Variants in SPON1 observed in about 807,000 individuals in gnomAD.
The protein encoded by SPON1 is spondin 1.
A neutral mutation model predicts 111.7 loss-of-function variants in SPON1; 52 were observed. The observed-to-expected ratio is 0.47, with a 90% CI of 0.37 to 0.59. SPON1 has a LOEUF of 0.59. Ranked by LOEUF, SPON1 falls within the 20% of genes least tolerant of loss-of-function variation. The pLI, the probability that SPON1 is intolerant of heterozygous loss-of-function variation, is 0.00. For synonymous variants in SPON1, 410 were observed against 395.8 expected (o/e 1.04, Z -0.43); for missense variants, 957 against 1,068.5 (o/e 0.90, Z 1.46).
At chr11:14,178,609 A>G (rs1554933374) in intron 6 of SPON1, among the ~76,000 whole-genome samples, 1 of 152,212 alleles carries the variant, frequency 6.6e-6, no homozygotes, top group East Asian at 1.9e-4. Context: ...TTCCAAGACT[A>G]AACCATCATA....
rs782768244 is a variant in SPON1 at position 14,260,608 on chromosome 11, T to C, written c.1852T>C (p.Ser618Pro). Residue 618 changes from serine (S) to proline (P), a missense_variant, in exon 14 of 16, where the codon TCC becomes CCC. Ser to Pro is a moderately conservative substitution (Grantham distance 74). Coordinates refer to ENST00000576479, the MANE Select transcript of SPON1 (RefSeq NM_006108.4). ...PECHTIPCLL[S>P]PWSEWSDCSV... The stretch of plus-strand genomic sequence containing the variant: ...TCTAGACACCATCCCATGCTTGCTG[T>C]CCCCATGGTCCGAGTGGAGTGACTG... 1 of 1,613,728 alleles carries C rather than the reference T, an allele frequency of 6.2e-7. No individual in the cohort carries two copies. Among genetic ancestry groups the C allele is most frequent in the South Asian group, 1.1e-5 (1 of 91,028 alleles).
intron 6 of SPON1, among the ~76,000 whole-genome samples, chr11:14,152,741 GC>G (rs1564916732): frequency 2.6e-5 from 4 of 152,168 alleles, no homozygotes; most frequent in African/African-American, 4.8e-5. Flanking sequence ...TCTTTAAAAT[GC>G]AATGACTTCC....
At chr11:14,254,455 C>T in intron 7 of SPON1, 73 bp from the exon 8 acceptor site, 1 of 1,310,892 alleles carries the variant, frequency 7.6e-7, no homozygotes. Context: ...CTTCATAATC[C>T]AGGCAGATTT....
chr11:14,241,844 G>T (rs1848930509), intron 6 of SPON1, among the ~76,000 whole-genome samples: 1 of 152,128 alleles, frequency 6.6e-6, no homozygotes, highest in African/African-American at 2.4e-5. Flanking sequence ...TGCTCTGTTG[G>T]GAAATGCTTT....
chr11:14,155,477 C>G (rs1307367135), intron 6 of SPON1, among the ~76,000 whole-genome samples: 1 of 147,852 alleles, frequency 6.8e-6, no homozygotes, highest in Non-Finnish European at 1.5e-5. Context: ...AGGTGCCACA[C>G]ACATCTATTT....
chr11:14,059,438 C>T (rs1848773416), intron 3 of SPON1, among the ~76,000 whole-genome samples: 1 of 152,074 alleles, frequency 6.6e-6, no homozygotes, highest in Non-Finnish European at 1.5e-5. Context: ...GGGAAACATA[C>T]TTTCCACCAC....
Position 14,057,210 on chromosome 11 carries a change from G to A in SPON1, c.479+15556G>A, listed in dbSNP as rs1382704240. 3.9e-5 allele frequency among the ~76,000 whole-genome samples: 6 copies of A among 152,190 alleles called. No individual in the cohort carries two copies. The South Asian group carries it at 6.2e-4, about 16-fold the overall frequency. ...GAATGGAGAAATCTGGCAGCCACCT[G>A]TAATGTGTGCCACCTGATAGGATGC... is the stretch of plus-strand genomic sequence containing the variant. On this transcript the variant is annotated intron_variant, in intron 3 of 15. Transcript: ENST00000576479.
rs371410538 is a variant in SPON1, at chr11:13,990,683, T to G, written c.345+7730T>G. Among the ~76,000 whole-genome samples the G allele has an allele frequency of 9.2e-5, 14 of 152,272 alleles. No homozygotes were observed. The East Asian group carries it at 2.3e-3, about 25-fold the overall frequency. On this transcript the variant is annotated intron_variant, in intron 2 of 15. Transcript: ENST00000576479. ...TCATAGTGTCGATATTCTTTACCAT[T>G]TGGCATATTTTTGCGGTGGCTGATA...
At chr11:14,024,030 C>A (rs1848499651) in intron 2 of SPON1, among the ~76,000 whole-genome samples, 1 of 149,582 alleles carries the variant, frequency 6.7e-6, no homozygotes, top group Admixed American at 6.7e-5. Flanking sequence ...CTGGAAGGAG[C>A]AATTTGGGGA....
chr11:14,060,954 A>AG (rs1564896101), intron 3 of SPON1, among the ~76,000 whole-genome samples: 1 of 151,954 alleles, frequency 6.6e-6, no homozygotes, highest in East Asian at 1.9e-4. Flanking sequence ...GGTAAAAAAA[A>AG]AGGCATAAAT....
chr11:14,002,710 A>G (rs1554912575), intron 2 of SPON1, among the ~76,000 whole-genome samples: 1 of 152,164 alleles, frequency 6.6e-6, no homozygotes. Context: ...CAGATGGTAC[A>G]GTTTTCCCAG....
chr11:14,115,899 A>G (rs1469929380), intron 5 of SPON1, among the ~76,000 whole-genome samples: 2 of 152,056 alleles, frequency 1.3e-5, no homozygotes, highest in East Asian at 3.8e-4. Flanking sequence ...CCTTGCCCAT[A>G]CTTGATATTG....
rs184241484 is a variant in SPON1, at chr11:14,002,762, G to A, written c.345+19809G>A. Among the ~76,000 whole-genome samples the A allele has an allele frequency of 6.0e-4, 92 of 152,238 alleles. 2 individuals carry two copies. In the East Asian group the frequency reaches 0.016, roughly 26 times the overall value. On this transcript the variant is annotated intron_variant, in intron 2 of 15. Coordinates refer to ENST00000576479, the MANE Select transcript of SPON1 (RefSeq NM_006108.4). Reference sequence around the variant, plus strand: ...ACACAGTAGAAGATAGGGGGCACAGGCATCCACCAAGGGGAGAGAGAATCA... The same window carrying A: ...ACACAGTAGAAGATAGGGGGCACAGACATCCACCAAGGGGAGAGAGAATCA...
chr11:14,007,020 C>T (rs1848367166), intron 2 of SPON1, among the ~76,000 whole-genome samples: 1 of 152,144 alleles, frequency 6.6e-6, no homozygotes, highest in South Asian at 2.1e-4. Context: ...GCAGTGGTCC[C>T]AAACCTTTTT....
chr11:14,264,873 T>C (rs1222530390), intron 15 of SPON1, among the ~76,000 whole-genome samples: 1 of 152,234 alleles, frequency 6.6e-6, no homozygotes, highest in Non-Finnish European at 1.5e-5. Flanking sequence ...AAAATTGTAC[T>C]TCTCTATACT....
At chr11:14,142,939 G>A (rs1045845887) in intron 6 of SPON1, among the ~76,000 whole-genome samples, 2 of 152,176 alleles carry the variant, frequency 1.3e-5, no homozygotes, top group African/African-American at 4.8e-5. Flanking sequence ...ACTGCCCCCA[G>A]TGTCAGGTGG....
intron 6 of SPON1, among the ~76,000 whole-genome samples, chr11:14,233,701 G>T (rs2133913375): frequency 6.6e-6 from 1 of 152,018 alleles, no homozygotes; most frequent in Middle Eastern, 3.4e-3. Context: ...GACCTGCCCT[G>T]GGATGGCAGT....
chr11:13,987,345 T>G (rs1554910537), intron 2 of SPON1, among the ~76,000 whole-genome samples: 2 of 152,248 alleles, frequency 1.3e-5, no homozygotes, highest in African/African-American at 4.8e-5. Context: ...ATATGTCTGT[T>G]GGCTGCATAA....
intron 6 of SPON1, among the ~76,000 whole-genome samples, chr11:14,150,875 T>C (rs1554929869): frequency 6.6e-6 from 1 of 152,208 alleles, no homozygotes; most frequent in African/African-American, 2.4e-5. Flanking sequence ...AACTCACTTT[T>C]CTGGATTCTC....
Sources: gnomAD v4.1 joint callset for allele counts (sites outside exome capture counted in the v4.1 genomes callset) on GRCh38, gnomAD v4.1.1 for gene constraint, MANE v1.5 for transcripts, NCBI Gene and HGNC (gene_info 2026-07-23, HGNC 2026-07-21) for gene names.